GLB1: variants seen among roughly 807,000 people sequenced by gnomAD.
The protein encoded by GLB1 is beta-galactosidase.
In GLB1, 56 loss-of-function variants were observed where a neutral mutation model predicts 74.0. That is an observed-to-expected ratio of 0.76 (90% CI 0.61 to 0.94). The LOEUF (loss-of-function observed/expected upper bound fraction) is 0.94. Ranked by LOEUF, GLB1 falls within the 40% of genes least tolerant of loss-of-function variation. The pLI, the probability that GLB1 is intolerant of heterozygous loss-of-function variation, is 0.00. For missense variants in GLB1, 787 were observed against 845.5 expected (o/e 0.93, Z 0.86); for synonymous variants, 323 against 323.6 (o/e 1.00, Z 0.02).
At chr3:33,094,820 T>G (rs1042258197) in intron 1 of GLB1, among the ~76,000 whole-genome samples, 2 of 152,246 alleles carry the variant, frequency 1.3e-5, no homozygotes, top group Non-Finnish European at 2.9e-5. Context: ...AGTGCAACTC[T>G]TCACCCTAAA....
chr3:33,018,480 C>T lies in GLB1; in HGVS notation c.1315G>A (p.Val439Ile). Residue 439 changes from valine to isoleucine, a missense_variant, in exon 13 of 16, where the codon GTC becomes ATC. Physicochemically the swap from Val to Ile is conservative, Grantham distance 29. Transcript: ENST00000307363. ...PAPLSSPLNG[V>I]HDRAYVAVDG... is the part of the protein sequence containing the mutation. ...ACAGCAACATATGCTCGATCGTGGA[C>T]TCCATTGAGGGGTGAAGAGAGAGGT... is the stretch of plus-strand genomic sequence containing the variant. 6.2e-7 allele frequency: 1 copy of T among 1,614,044 alleles called. No individual in the cohort carries two copies. Among genetic ancestry groups the T allele is most frequent in the South Asian group, 1.1e-5 (1 of 91,084 alleles).
intron 4 of GLB1, 88 bp downstream of exon 4, chr3:33,068,142 C>T: frequency 1.3e-6 from 2 of 1,591,882 alleles, no homozygotes; most frequent in Non-Finnish European, 1.7e-6. Context: ...CCGCCTCAGC[C>T]TCCCAAAGTG....
At chr3:33,064,241 CCAGCCTGGTCAACAT>C (rs1243589895) in intron 5 of GLB1, among the ~76,000 whole-genome samples, 9 of 149,698 alleles carry the variant, frequency 6.0e-5, no homozygotes, top group Non-Finnish European at 3.0e-5. Flanking sequence ...GAGTTTGAGA[CCAGCCTGGTCAACAT>C]GGTGAAACCC....
chr3:33,032,690 T>C (rs1423193987), intron 10 of GLB1, among the ~76,000 whole-genome samples: 1 of 152,174 alleles, frequency 6.6e-6, no homozygotes, highest in Non-Finnish European at 1.5e-5. Flanking sequence ...CCCAAAGTGC[T>C]GGGGTTACAG....
chr3:33,061,372 C>A (rs892620320), intron 5 of GLB1, among the ~76,000 whole-genome samples: 4 of 152,168 alleles, frequency 2.6e-5, no homozygotes, highest in Non-Finnish European at 5.9e-5. Context: ...AGAGATTGCG[C>A]CACTGGATTC....
intron 10 of GLB1, among the ~76,000 whole-genome samples, chr3:33,044,909 G>C (rs188459624): frequency 1.3e-5 from 2 of 152,082 alleles, no homozygotes; most frequent in Non-Finnish European, 2.9e-5. Flanking sequence ...AGGGTACAAC[G>C]CTAGCAGGAC....
At chr3:33,092,994 T>G in intron 1 of GLB1, 1 of 1,614,102 alleles carries the variant, frequency 6.2e-7, no homozygotes, top group South Asian at 1.1e-5. Flanking sequence ...GGCTGCTACG[T>G]TCAAGGGGAA....
chr3:33,085,642 A>G (rs1411938149), intron 1 of GLB1, among the ~76,000 whole-genome samples: 3 of 152,118 alleles, frequency 2.0e-5, no homozygotes, highest in African/African-American at 7.2e-5. Flanking sequence ...CTTCTTCAAG[A>G]AATTAGTTAA....
intron 9 of GLB1, among the ~76,000 whole-genome samples, 199 bp from the exon 10 acceptor site, chr3:33,046,431 C>T (rs952456016): frequency 1.3e-5 from 2 of 152,036 alleles, no homozygotes; most frequent in African/African-American, 4.8e-5. Context: ...AGTTACCAGG[C>T]ACCTTAGAGT....
chr3:33,090,007 GCATTTGAATTCTGTACT>G (rs1700681050), intron 1 of GLB1, among the ~76,000 whole-genome samples: 1 of 152,160 alleles, frequency 6.6e-6, no homozygotes, highest in Non-Finnish European at 1.5e-5. Flanking sequence ...ACAGTTAACT[GCATTTGAATTCTGTACT>G]CATTTGTGAC....
At chr3:33,036,081 T>A (rs1024209633) in intron 10 of GLB1, among the ~76,000 whole-genome samples, 21 of 152,224 alleles carry the variant, frequency 1.4e-4, no homozygotes, top group Non-Finnish European at 2.2e-4. Flanking sequence ...CCAAATCAGA[T>A]TGGAAGTAAG....
intron 11 of GLB1, among the ~76,000 whole-genome samples, chr3:33,022,454 C>T (rs1423418959): frequency 1.3e-5 from 2 of 151,838 alleles, no homozygotes; most frequent in African/African-American, 4.8e-5. Context: ...ACTACTGTCC[C>T]TGTGTTGTGG....
At chr3:32,971,156 T>C in the GLB1 span, among the ~76,000 whole-genome samples, 33 of 152,226 alleles carry the variant, frequency 2.2e-4, no homozygotes, top group Admixed American at 6.5e-5. Context: ...ACTGCTCTAC[T>C]AAGTAGTATG....
intron 15 of GLB1, among the ~76,000 whole-genome samples, chr3:32,998,421 T>A (rs1696404013): frequency 6.6e-6 from 1 of 151,386 alleles, no homozygotes. Flanking sequence ...GGCAAGAGAA[T>A]CACTTGAACC....
intron 12 of GLB1, among the ~76,000 whole-genome samples, chr3:33,020,658 G>T (rs935818745): frequency 6.6e-6 from 1 of 152,166 alleles, no homozygotes; most frequent in Non-Finnish European, 1.5e-5. Flanking sequence ...GTGTGATTAT[G>T]GATTGGAAAC....
chr3:32,985,382 C>T, the GLB1 span, among the ~76,000 whole-genome samples: 2 of 151,896 alleles, frequency 1.3e-5, no homozygotes, highest in South Asian at 4.1e-4. Flanking sequence ...CCTCTGCCTC[C>T]CGGGTTCAAG....
At chr3:33,003,695 T>C (rs983017582) in intron 15 of GLB1, among the ~76,000 whole-genome samples, 1 of 152,224 alleles carries the variant, frequency 6.6e-6, no homozygotes, top group African/African-American at 2.4e-5. Context: ...CTGTGGGATA[T>C]TGAACAGATG....
chr3:33,094,386 G>C (rs1049062402), intron 1 of GLB1: 6 of 1,351,920 alleles, frequency 4.4e-6, no homozygotes, highest in Non-Finnish European at 5.7e-6. Flanking sequence ...ACTTACATCT[G>C]CCCAACCCAC....
At chr3:33,055,046 G>A (rs974188950) in intron 6 of GLB1, among the ~76,000 whole-genome samples, 1 of 152,212 alleles carries the variant, frequency 6.6e-6, no homozygotes, top group African/African-American at 2.4e-5. Flanking sequence ...TTGAGAAAGA[G>A]CAGAATCTCA....
Sources: allele counts gnomAD v4.1 joint callset (sites outside exome capture counted in the v4.1 genomes callset), GRCh38; gene constraint gnomAD v4.1.1; transcripts MANE v1.5; gene names NCBI Gene and HGNC (gene_info 2026-07-23, HGNC 2026-07-21).